PLEKHG1: variants seen among roughly 807,000 people sequenced by gnomAD.
PLEKHG1 encodes the protein pleckstrin homology domain-containing family G member 1.
In PLEKHG1, 44 loss-of-function variants were observed where a neutral mutation model predicts 100.8. That is an observed-to-expected ratio of 0.44 (90% CI 0.34 to 0.56). The LOEUF is 0.56. Ranked by LOEUF, PLEKHG1 falls within the 20% of genes least tolerant of loss-of-function variation. The pLI, the probability that PLEKHG1 is intolerant of heterozygous loss-of-function variation, is 0.01. For synonymous variants in PLEKHG1, 640 were observed against 662.5 expected (o/e 0.97, Z 0.52); for missense variants, 1,545 against 1,720.9 (o/e 0.90, Z 1.81).
chr6:150,728,396 C>T (rs902992330), intron 1 of PLEKHG1, among the ~76,000 whole-genome samples: 4 of 151,588 alleles, frequency 2.6e-5, no homozygotes, highest in Non-Finnish European at 5.9e-5. Context: ...GAGTTCAAGA[C>T]CAGCCTGGGC....
At chr6:150,618,110 C>G (rs1777145206) in intron 1 of PLEKHG1, among the ~76,000 whole-genome samples, 1 of 152,122 alleles carries the variant, frequency 6.6e-6, no homozygotes, top group Non-Finnish European at 1.5e-5. Flanking sequence ...CATAGAAGCT[C>G]TTGTTGATGT....
At chr6:150,620,340 G>A (rs942007889) in intron 1 of PLEKHG1, among the ~76,000 whole-genome samples, 1 of 152,220 alleles carries the variant, frequency 6.6e-6, no homozygotes, top group Non-Finnish European at 1.5e-5. Flanking sequence ...GGAAGACACC[G>A]CTACTCAGAA....
chr6:150,716,379 C>G (rs191044862), upstream of PLEKHG1, among the ~76,000 whole-genome samples: 3 of 152,332 alleles, frequency 2.0e-5, no homozygotes, highest in Admixed American at 1.3e-4. Flanking sequence ...TCACTTCTAG[C>G]ACCTTTGCAT....
chr6:150,741,957 C>T lies in PLEKHG1; in HGVS notation c.411+7865C>T, dbSNP rs569127643. 3.3e-5 allele frequency among the ~76,000 whole-genome samples: 5 copies of T among 152,312 alleles called. No individual in the cohort carries two copies. The East Asian group carries it at 7.7e-4, about 23-fold the overall frequency. On this transcript the variant is annotated intron_variant, in intron 2 of 15. Coordinates refer to ENST00000358517, the Ensembl canonical transcript of PLEKHG1. ...CCACCACCGTCCCCACTTGTGACGA[C>T]CAAAAATGTCTCTAGCCATTGCCAA...
chr6:150,740,815 A>G (rs748126727), intron 2 of PLEKHG1, among the ~76,000 whole-genome samples: 2 of 152,196 alleles, frequency 1.3e-5, no homozygotes, highest in Non-Finnish European at 2.9e-5. Context: ...TTTAATATCT[A>G]TGATAATTTG....
intron 5 of PLEKHG1, among the ~76,000 whole-genome samples, chr6:150,799,856 C>T (rs1282749981): frequency 6.6e-6 from 1 of 152,176 alleles, no homozygotes; most frequent in African/African-American, 2.4e-5. Context: ...TTATTTCCAC[C>T]TGCTTCCTTC....
chr6:150,722,124 AAAG>A (rs758404723), intron 1 of PLEKHG1, among the ~76,000 whole-genome samples: 2 of 152,118 alleles, frequency 1.3e-5, no homozygotes, highest in Admixed American at 6.5e-5. Context: ...TGTAGACAAT[AAAG>A]AAGCCGCATT....
At chr6:150,776,836 C>T (rs565427424) in intron 3 of PLEKHG1, among the ~76,000 whole-genome samples, 46 of 151,220 alleles carry the variant, frequency 3.0e-4, no homozygotes, top group African/African-American at 8.8e-4. Flanking sequence ...CGTACATGTG[C>T]GGTTGCACAT....
intron 3 of PLEKHG1, among the ~76,000 whole-genome samples, chr6:150,676,321 A>C (rs569799301): frequency 6.6e-6 from 1 of 152,260 alleles, no homozygotes; most frequent in African/African-American, 2.4e-5. Flanking sequence ...TACACAAAGG[A>C]AAACAAATAG....
intron 1 of PLEKHG1, chr6:150,721,264 A>T: frequency 2.7e-6 from 2 of 738,712 alleles, no homozygotes; most frequent in Non-Finnish European, 3.3e-6. Context: ...TCCCTCTGGG[A>T]GCAGCCAGAG....
At chr6:150,748,747 G>A (rs1357060731) in intron 2 of PLEKHG1, among the ~76,000 whole-genome samples, 4 of 149,174 alleles carry the variant, frequency 2.7e-5, no homozygotes, top group South Asian at 2.2e-4. Context: ...CAGCCTCCCC[G>A]AGTAGCTGGG....
At chr6:150,651,554 G>GA (rs546939242) in intron 3 of PLEKHG1, among the ~76,000 whole-genome samples, 76 of 152,126 alleles carry the variant, frequency 5.0e-4, no homozygotes, top group South Asian at 1.9e-3. Flanking sequence ...TTTTAAAACA[G>GA]AAAAAACTAT....
intron 1 of PLEKHG1, among the ~76,000 whole-genome samples, chr6:150,603,844 C>G (rs1492572): frequency 0.74 from 111,867 of 152,080 alleles, 41,687 homozygotes; most frequent in Non-Finnish European, 0.8. Context: ...CTTCTTTTCC[C>G]CTCCCTTCGT....
chr6:150,815,258 A>G lies in PLEKHG1; in HGVS notation c.1279-2925A>G, dbSNP rs771947619. Among the ~76,000 whole-genome samples the G allele has an allele frequency of 2.0e-5, 3 of 152,338 alleles. No homozygotes were observed. In the East Asian group the frequency reaches 5.8e-4, roughly 29 times the overall value. ...ATGTCAACACAGCTGTGGGAAACTC[A>G]TTAGTTACAGCCTCCCAGCTGCCTT... is the stretch of plus-strand genomic sequence containing the variant. On this transcript the variant is annotated intron_variant, in intron 10 of 15. Transcript: ENST00000358517.
chr6:150,818,992 C>T (rs1420735677), intron 11 of PLEKHG1, among the ~76,000 whole-genome samples: 4 of 152,204 alleles, frequency 2.6e-5, no homozygotes, highest in Admixed American at 2.0e-4. Flanking sequence ...TTCCCACCAT[C>T]GCTGCAGCTG....
chr6:150,739,677 C>CA (rs898287984), intron 2 of PLEKHG1, among the ~76,000 whole-genome samples: 26 of 149,202 alleles, frequency 1.7e-4, no homozygotes, highest in Middle Eastern at 3.4e-3. Flanking sequence ...AAAAAAAAAA[C>CA]AAAAAAACAA....
At chr6:150,718,890 CAAA>C (rs111800365), upstream of PLEKHG1, among the ~76,000 whole-genome samples, 1 of 144,126 alleles carries the variant, frequency 6.9e-6, no homozygotes, top group Non-Finnish European at 1.5e-5. Flanking sequence ...AATATAAAGG[CAAA>C]AAAAAAAAAA....
At chr6:150,633,416 C>G (rs964008509) in intron 1 of PLEKHG1, 2 of 152,898 alleles carry the variant, frequency 1.3e-5, no homozygotes, top group African/African-American at 2.4e-5. Flanking sequence ...CTCAGTATTG[C>G]TGGCCTGTGC....
intron 3 of PLEKHG1, among the ~76,000 whole-genome samples, chr6:150,704,311 T>A (rs1780919021): frequency 6.6e-6 from 1 of 152,204 alleles, no homozygotes; most frequent in Non-Finnish European, 1.5e-5. Context: ...CAAGGGCCCC[T>A]CTTGTCCCTT....
Sources: gnomAD v4.1 joint callset for allele counts (sites outside exome capture counted in the v4.1 genomes callset) on GRCh38, gnomAD v4.1.1 for gene constraint, MANE v1.5 for transcripts, NCBI Gene and HGNC (gene_info 2026-07-23, HGNC 2026-07-21) for gene names.